Variants in CNTN4 observed in about 807,000 individuals in gnomAD.
CNTN4 encodes contactin-4.
CNTN4 carries 77 observed loss-of-function variants against 122.5 expected under a neutral mutation model. The ratio of observed to expected loss-of-function variants is 0.63; its 90% CI spans 0.52 to 0.76. The LOEUF is 0.76. CNTN4 is among the 30% of genes least tolerant of loss of function. The probability of loss-of-function intolerance (pLI) is 0.00; values close to 1 mark genes in which losing one functional copy is unlikely to be tolerated. For missense variants in CNTN4, 1,256 were observed against 1,259.1 expected (o/e 1.00, Z 0.04); for synonymous variants, 512 against 447.0 (o/e 1.15, Z -1.83).
chr3:2,443,300 C>G (rs554035998), intron 3 of CNTN4, among the ~76,000 whole-genome samples: 87 of 152,026 alleles, frequency 5.7e-4, no homozygotes, highest in Non-Finnish European at 1.1e-3. Context: ...TTCCTTGTGA[C>G]CCATCCAGCA....
intron 2 of CNTN4, among the ~76,000 whole-genome samples, chr3:2,123,840 G>T (rs2033955278): frequency 6.6e-6 from 1 of 152,182 alleles, no homozygotes; most frequent in Admixed American, 6.5e-5. Context: ...CATAGCACTG[G>T]TCATCCTGAC....
At chr3:2,375,156 G>A (rs1415345893) in intron 3 of CNTN4, among the ~76,000 whole-genome samples, 1 of 152,180 alleles carries the variant, frequency 6.6e-6, no homozygotes, top group Non-Finnish European at 1.5e-5. Context: ...AGTCTCTAGT[G>A]TCTCTAAATA....
intron 18 of CNTN4, chr3:3,037,705 G>T (rs903624087): frequency 3.0e-6 from 1 of 330,282 alleles, no homozygotes; most frequent in African/African-American, 2.1e-5. Flanking sequence ...ATTTGTGACT[G>T]CTCTGGACAC....
chr3:2,964,396 C>T (rs115810102), intron 13 of CNTN4, among the ~76,000 whole-genome samples: 2,733 of 152,162 alleles, frequency 0.018, 49 homozygotes, highest in Non-Finnish European at 0.027. Flanking sequence ...TGTTTTTCAC[C>T]AAATTGCTTA....
intron 3 of CNTN4, among the ~76,000 whole-genome samples, chr3:2,353,767 C>T (rs998130945): frequency 5.1e-4 from 77 of 152,152 alleles, no homozygotes; most frequent in Non-Finnish European, 9.1e-4. Context: ...GGTGTGGTGG[C>T]GGGCGCCTGT....
rs67731967 is a variant in CNTN4 at position 2,820,961 on chromosome 3, C to CTTTTTTTTTTTTTT, written c.454+1385_454+1398dup. On this transcript the variant is annotated intron_variant, in intron 7 of 24. Coordinates refer to ENST00000418658, the MANE Select transcript of CNTN4 (RefSeq NM_175607.3). ...TTCTCACATGCAACATTTTCTCTTTCTTTTTTTTTTTTTTTTTTGAGACAG... is the reference window on the plus strand; with the variant it reads ...TTCTCACATGCAACATTTTCTCTTTCTTTTTTTTTTTTTTTTTTTTTTTTTTTTTTTTGAGACAG... Among the ~76,000 whole-genome samples the CTTTTTTTTTTTTTT allele has an allele frequency of 3.2e-3, 349 of 107,522 alleles. 9 individuals carry two copies. Among genetic ancestry groups the CTTTTTTTTTTTTTT allele is most frequent in the African/African-American group, 5.1e-3 (135 of 26,470 alleles). 70.5% of individuals were successfully genotyped at this position (107,522 alleles called of 152,430 possible).
At chr3:2,127,344 G>C (rs536607932) in intron 2 of CNTN4, among the ~76,000 whole-genome samples, 1 of 151,980 alleles carries the variant, frequency 6.6e-6, no homozygotes, top group Admixed American at 6.6e-5. Context: ...AGTGGGTGCC[G>C]CTCCTCCCTT....
At position 2,779,335 on chromosome 3, in the gene CNTN4, C is replaced by T. The variant is rs115861443; in HGVS notation, c.358+33638C>T. On this transcript the variant is annotated intron_variant, in intron 6 of 24. Transcript: ENST00000418658. ...AGGCTTGAGTGCAATGGTGCGATCT[C>T]GGCTCAGGTGCACACCATGACACCT... is the stretch of plus-strand genomic sequence containing the variant. 2.9e-3 allele frequency among the ~76,000 whole-genome samples: 448 copies of T among 151,958 alleles called. 1 individual carries two copies. The highest frequency in any genetic ancestry group is 0.01 in the African/African-American group (432 of 41,432).
intron 4 of CNTN4, among the ~76,000 whole-genome samples, chr3:2,589,976 G>C (rs1230905397): frequency 6.6e-6 from 1 of 152,144 alleles, no homozygotes; most frequent in Non-Finnish European, 1.5e-5. Flanking sequence ...ATTATTTTCT[G>C]CCCCACACTC....
intron 3 of CNTN4, among the ~76,000 whole-genome samples, chr3:2,472,344 G>A (rs1046704255): frequency 1.3e-4 from 20 of 152,126 alleles, no homozygotes; most frequent in African/African-American, 4.8e-4. Context: ...GGGTTCAAGC[G>A]ATTGTCCTCC....
rs1213659106 is a variant in CNTN4, at chr3:2,270,355, T to C, written c.-144-68823T>C. Among the ~76,000 whole-genome samples, 6 of 152,236 alleles carry C rather than the reference T, an allele frequency of 3.9e-5. No individual in the cohort carries two copies. In the East Asian group the frequency reaches 1.2e-3, roughly 30 times the overall value. ...GGGGTTTGGTGTACAGATTATTTTGTCACCCAGGTACTAAGCCTAGTACCT... is the reference window on the plus strand; with the variant it reads ...GGGGTTTGGTGTACAGATTATTTTGCCACCCAGGTACTAAGCCTAGTACCT... On this transcript the variant is annotated intron_variant, in intron 2 of 24. Transcript: ENST00000418658.
intron 2 of CNTN4, among the ~76,000 whole-genome samples, chr3:2,156,195 G>A (rs79156400): frequency 0.039 from 5,898 of 152,240 alleles, 222 homozygotes; most frequent in East Asian, 0.12. Context: ...TGCCAGAGCC[G>A]TTCCTGCCTC....
intron 13 of CNTN4, among the ~76,000 whole-genome samples, chr3:2,931,547 C>A (rs1370381192): frequency 6.6e-6 from 1 of 151,510 alleles, no homozygotes; most frequent in East Asian, 1.9e-4. Context: ...AATGGTAAAA[C>A]CCTCACCTTC....
At chr3:2,845,620 C>T (rs912878487) in intron 7 of CNTN4, among the ~76,000 whole-genome samples, 1 of 152,120 alleles carries the variant, frequency 6.6e-6, no homozygotes, top group Non-Finnish European at 1.5e-5. Flanking sequence ...GGTTTGAAAA[C>T]AGTTTTCAAG....
At chr3:2,588,024 ATC>A (rs2080282528) in intron 4 of CNTN4, among the ~76,000 whole-genome samples, 1 of 151,622 alleles carries the variant, frequency 6.6e-6, no homozygotes, top group Non-Finnish European at 1.5e-5. Flanking sequence ...TTTTTGTCCA[ATC>A]TCTACGCTCC....
chr3:2,943,612 T>TATA (rs1559699031), intron 13 of CNTN4, among the ~76,000 whole-genome samples: 1 of 124,202 alleles, frequency 8.1e-6, no homozygotes, highest in Non-Finnish European at 1.7e-5. Context: ...ATAAATATAT[T>TATA]TATATATATA....
chr3:2,312,104 G>A (rs1001415518), intron 2 of CNTN4, among the ~76,000 whole-genome samples: 1 of 151,890 alleles, frequency 6.6e-6, no homozygotes, highest in African/African-American at 2.4e-5. Context: ...ACTGAGCCCA[G>A]GAGTTCAAGA....
intron 6 of CNTN4, among the ~76,000 whole-genome samples, chr3:2,755,285 C>T (rs554837247): frequency 1.8e-3 from 270 of 152,208 alleles, no homozygotes; most frequent in Non-Finnish European, 3.1e-3. Context: ...AACAGGCAAA[C>T]TTTTTTTCTG....
chr3:2,309,033 T>C (rs2042819811), intron 2 of CNTN4, among the ~76,000 whole-genome samples: 2 of 152,168 alleles, frequency 1.3e-5, no homozygotes, highest in African/African-American at 4.8e-5. Flanking sequence ...TCTGATTTTC[T>C]TTCCACTATT....
Sources: allele counts gnomAD v4.1 joint callset (sites outside exome capture counted in the v4.1 genomes callset), GRCh38; gene constraint gnomAD v4.1.1; transcripts MANE v1.5; gene names NCBI Gene and HGNC (gene_info 2026-07-23, HGNC 2026-07-21).